The following DPH6 variants were observed in gnomAD, a reference collection of about 807,000 sequenced individuals.
DPH6 encodes the protein diphthine--ammonia ligase.
In DPH6, 33 loss-of-function variants were observed where a neutral mutation model predicts 38.2. That is an observed-to-expected ratio of 0.86 (90% CI 0.65 to 1.15). The LOEUF (loss-of-function observed/expected upper bound fraction) is 1.15, where lower values mean the gene tolerates loss of function less well. Ranked by LOEUF, DPH6 falls within the 50% of genes most tolerant of loss-of-function variation. DPH6 has a pLI of 0.00. For missense variants in DPH6, 325 were observed against 320.0 expected (o/e 1.02, Z -0.12); for synonymous variants, 108 against 103.0 (o/e 1.05, Z -0.30).
rs562483394 is a variant in DPH6 at position 35,505,904 on chromosome 15, A to T, written c.312+32370T>A. On this transcript the variant is annotated intron_variant, in intron 3 of 8. Coordinates refer to ENST00000256538, the MANE Select transcript of DPH6 (RefSeq NM_080650.4). The stretch of plus-strand genomic sequence containing the variant: ...TTGCCTTATAGGTGGAACTCTAAGC[A>T]GAGAGATTTAATGACCATTTTTATT... 2.0e-5 allele frequency among the ~76,000 whole-genome samples: 3 copies of T among 152,276 alleles called. No homozygotes were observed. The East Asian group carries it at 5.8e-4, about 29-fold the overall frequency.
At chr15:35,399,259 AAAC>A (rs1285283446) in intron 6 of DPH6, among the ~76,000 whole-genome samples, 2 of 152,184 alleles carry the variant, frequency 1.3e-5, no homozygotes, top group African/African-American at 4.8e-5. Context: ...CTTTAAATAA[AAAC>A]AACATTTAAA....
rs574883218 is a variant in DPH6 at position 35,271,204 on chromosome 15, T to A, written n.201-50622A>T. 1.6e-3 allele frequency among the ~76,000 whole-genome samples: 245 copies of A among 152,208 alleles called. 1 individual carries two copies. Among genetic ancestry groups the A allele is most frequent in the Admixed American group, 3.6e-3 (55 of 15,286 alleles). ...CCATGCTGCCCAAACCTCTGACAGT[T>A]CCCATAGGAAAAGAAGGGTTAAATA... On this transcript the variant is annotated intron_variant and non_coding_transcript_variant, in intron 3 of 3. Coordinates refer to the DPH6 transcript ENST00000560386.
At chr15:35,497,579 A>C (rs1206164168) in intron 3 of DPH6, among the ~76,000 whole-genome samples, 1 of 152,216 alleles carries the variant, frequency 6.6e-6, no homozygotes, top group Non-Finnish European at 1.5e-5. Context: ...GATTCACGAC[A>C]AGTAAAAATA....
At chr15:35,189,428 CAG>C in the DPH6 span, among the ~76,000 whole-genome samples, 3 of 152,186 alleles carry the variant, frequency 2.0e-5, no homozygotes, top group African/African-American at 4.8e-5. Flanking sequence ...AACTCCATAC[CAG>C]AGAGTCCTCC....
chr15:35,288,171 A>T (rs998387429), intron 3 of DPH6, among the ~76,000 whole-genome samples: 2 of 152,208 alleles, frequency 1.3e-5, no homozygotes, highest in Non-Finnish European at 2.9e-5. Context: ...TGGGAACATT[A>T]TCAAGGTCAG....
chr15:35,151,338 T>A, the DPH6 span, among the ~76,000 whole-genome samples: 2 of 152,228 alleles, frequency 1.3e-5, no homozygotes, highest in Non-Finnish European at 2.9e-5. Flanking sequence ...GTCTATCCTG[T>A]GGACTGAGAG....
At chr15:35,500,577 C>T (rs142429784) in intron 3 of DPH6, among the ~76,000 whole-genome samples, 2 of 152,152 alleles carry the variant, frequency 1.3e-5, no homozygotes, top group African/African-American at 4.8e-5. Context: ...TACTTGTTGA[C>T]ATGAAAGCTA....
At chr15:35,441,427 T>G (rs546424926) in intron 5 of DPH6, among the ~76,000 whole-genome samples, 4 of 152,272 alleles carry the variant, frequency 2.6e-5, no homozygotes, top group African/African-American at 9.6e-5. Context: ...CCATCAAAGA[T>G]AGACTGGATA....
Position 35,242,886 on chromosome 15 carries a change from T to C in DPH6, n.201-22304A>G, listed in dbSNP as rs942707938. Among the ~76,000 whole-genome samples, 5 of 142,376 alleles carry C rather than the reference T, an allele frequency of 3.5e-5. 2 individuals are homozygous for C. The highest frequency in any genetic ancestry group is 1.5e-4 in the Admixed American group (2 of 12,964). The allele number at this position is 142,376 out of a possible 152,430, so 93.4% of individuals were successfully genotyped here. On this transcript the variant is annotated intron_variant and non_coding_transcript_variant, in intron 3 of 3. Transcript: ENST00000560386. ...CATACTCCTATTCACCGTTCTCAAC[T>C]ACTCATACATGCCCTGCTCTTGTTT... is the stretch of plus-strand genomic sequence containing the variant.
At chr15:35,427,205 G>A (rs2053580690) in intron 5 of DPH6, among the ~76,000 whole-genome samples, 2 of 151,758 alleles carry the variant, frequency 1.3e-5, no homozygotes. Context: ...ACAGGAGAGT[G>A]AGGAAACGAC....
At chr15:35,542,528 G>C in intron 1 of DPH6, 21 bp from the exon 2 acceptor site, 1 of 1,527,892 alleles carries the variant, frequency 6.5e-7, no homozygotes, top group Non-Finnish European at 9.0e-7. Flanking sequence ...AATCAAGAGA[G>C]GGACAAATAT....
At chr15:35,320,765 T>A (rs1476047267) in intron 3 of DPH6, among the ~76,000 whole-genome samples, 1 of 152,230 alleles carries the variant, frequency 6.6e-6, no homozygotes, top group Non-Finnish European at 1.5e-5. Flanking sequence ...ACACTGCTGA[T>A]GGCACTCTTC....
chr15:35,197,794 T>C, the DPH6 span, among the ~76,000 whole-genome samples: 2 of 152,210 alleles, frequency 1.3e-5, no homozygotes, highest in Non-Finnish European at 2.9e-5. Context: ...GTGCCCTCCT[T>C]AAAATGCAAA....
At chr15:35,522,100 T>C (rs2054930330) in intron 3 of DPH6, 1 of 1,612,604 alleles carries the variant, frequency 6.2e-7, no homozygotes, top group Admixed American at 1.7e-5. Context: ...AACTCATACT[T>C]CACATTTTGC....
At chr15:35,322,603 G>A (rs2052250162) in intron 3 of DPH6, among the ~76,000 whole-genome samples, 1 of 151,502 alleles carries the variant, frequency 6.6e-6, no homozygotes, top group South Asian at 2.1e-4. Flanking sequence ...TTTTTTCTTT[G>A]GAGTTGGAGA....
At chr15:35,247,182 G>A (rs945838734) in intron 3 of DPH6, among the ~76,000 whole-genome samples, 3 of 152,114 alleles carry the variant, frequency 2.0e-5, no homozygotes, top group African/African-American at 4.8e-5. Flanking sequence ...AGAAATAAGA[G>A]TCTGACTTTT....
At chr15:35,241,083 G>T (rs971141524) in intron 3 of DPH6, among the ~76,000 whole-genome samples, 1 of 142,148 alleles carries the variant, frequency 7.0e-6, no homozygotes, top group South Asian at 2.5e-4. Context: ...AGGAATGCCC[G>T]CAGCCCAGGA....
the DPH6 span, among the ~76,000 whole-genome samples, chr15:35,160,816 T>G: frequency 6.6e-6 from 1 of 151,812 alleles, no homozygotes; most frequent in South Asian, 2.1e-4. Flanking sequence ...TGTCTCTCCC[T>G]CTCTCTCTCT....
chr15:35,190,334 C>T, the DPH6 span, among the ~76,000 whole-genome samples: 1 of 152,226 alleles, frequency 6.6e-6, no homozygotes, highest in Admixed American at 6.5e-5. Context: ...TTTATTATTA[C>T]TCAAATCAGT....
Sources: allele counts gnomAD v4.1 joint callset (sites outside exome capture counted in the v4.1 genomes callset), GRCh38; gene constraint gnomAD v4.1.1; transcripts MANE v1.5; gene names NCBI Gene and HGNC (gene_info 2026-07-23, HGNC 2026-07-21).